Variants in IL1RAPL2 observed in about 807,000 individuals in gnomAD.
The protein encoded by IL1RAPL2 is interleukin 1 receptor accessory protein like 2.
Under a neutral mutation model 44.1 loss-of-function variants are expected in IL1RAPL2, and 3 were observed. The observed-to-expected ratio is 0.07, with a 90% confidence interval of 0.03 to 0.18. The LOEUF is 0.18. Among genes scored for constraint, IL1RAPL2 ranks in the 10% least tolerant of loss-of-function variants. The pLI is 1.00. For synonymous variants in IL1RAPL2, 181 were observed against 178.8 expected (o/e 1.01, Z -0.10); for missense variants, 391 against 496.4 (o/e 0.79, Z 2.02).
intron 2 of IL1RAPL2, among the ~76,000 whole-genome samples, chrX:104,799,948 A>G (rs1397035430): frequency 2.7e-5 from 3 of 111,753 alleles, no homozygotes; most frequent in African/African-American, 9.8e-5. Context: ...GTTTCACTGT[A>G]CTGTGTCTTG....
At chrX:104,977,883 A>G (rs2030367375) in intron 2 of IL1RAPL2, among the ~76,000 whole-genome samples, 3 of 112,338 alleles carry the variant, frequency 2.7e-5, no homozygotes, top group Non-Finnish European at 3.8e-5. Context: ...AGAAATTTCT[A>G]TAAAAGAGGT....
chrX:105,701,346 A>G (rs1249153906), intron 6 of IL1RAPL2, among the ~76,000 whole-genome samples: 1 of 111,599 alleles, frequency 9.0e-6, no homozygotes, highest in Non-Finnish European at 1.9e-5. Context: ...GGTGATTTTA[A>G]GTCCACTCAT....
chrX:104,585,046 T>C (rs1928478900), intron 1 of IL1RAPL2, among the ~76,000 whole-genome samples: 1 of 99,843 alleles, frequency 1.0e-5, no homozygotes, highest in Non-Finnish European at 2.0e-5. Flanking sequence ...CTTCTGGTCT[T>C]CCTCTTTAAA....
At chrX:104,881,701 A>G (rs1288071400) in intron 2 of IL1RAPL2, among the ~76,000 whole-genome samples, 1 of 112,182 alleles carries the variant, frequency 8.9e-6, no homozygotes, top group Non-Finnish European at 1.9e-5. Context: ...CCAAATAGTT[A>G]AAGTATCTGT....
chrX:105,543,607 A>G (rs1223156779), intron 6 of IL1RAPL2, among the ~76,000 whole-genome samples: 1 of 112,489 alleles, frequency 8.9e-6, no homozygotes, highest in Non-Finnish European at 1.9e-5. Context: ...AAGCCAAGAA[A>G]GACCACAGCA....
intron 2 of IL1RAPL2, among the ~76,000 whole-genome samples, chrX:104,701,617 A>G (rs765292471): frequency 8.9e-6 from 1 of 112,194 alleles, no homozygotes; most frequent in South Asian, 3.7e-4. Context: ...ATTTAGTGAT[A>G]TGTATTCATG....
chrX:105,183,454 G>C (rs1271399425), intron 2 of IL1RAPL2, among the ~76,000 whole-genome samples: 4 of 111,653 alleles, frequency 3.6e-5, no homozygotes, highest in Non-Finnish European at 7.5e-5. Context: ...AGGCAAGTGG[G>C]TGGCTTTCAG....
At chrX:104,619,437 G>C (rs1929342747) in intron 1 of IL1RAPL2, among the ~76,000 whole-genome samples, 1 of 111,710 alleles carries the variant, frequency 9.0e-6, no homozygotes, top group Admixed American at 9.5e-5. Flanking sequence ...ACAGAGGGAG[G>C]CTCTCTGCTT....
chrX:105,078,970 T>C (rs937143924), intron 2 of IL1RAPL2, among the ~76,000 whole-genome samples: 4 of 112,575 alleles, frequency 3.6e-5, no homozygotes, highest in Admixed American at 2.8e-4. Context: ...CCCTGACCCC[T>C]TGTGCTTCCT....
At chrX:105,196,809 A>G (rs1168222324) in intron 3 of IL1RAPL2, among the ~76,000 whole-genome samples, 2 of 111,212 alleles carry the variant, frequency 1.8e-5, no homozygotes, top group African/African-American at 6.5e-5. Flanking sequence ...AGCTGAGACG[A>G]CCTTTAGGCC....
At chrX:104,607,329 A>C (rs755530839) in intron 1 of IL1RAPL2, among the ~76,000 whole-genome samples, 1 of 112,104 alleles carries the variant, frequency 8.9e-6, no homozygotes. Flanking sequence ...ATAGGCATGC[A>C]CAAAGACTTC....
At chrX:105,741,183 G>C (rs1024086368) in intron 8 of IL1RAPL2, among the ~76,000 whole-genome samples, 5 of 111,609 alleles carry the variant, frequency 4.5e-5, no homozygotes, top group African/African-American at 1.6e-4. Context: ...GGTATTAAGA[G>C]ATCTTTATCA....
intron 2 of IL1RAPL2, among the ~76,000 whole-genome samples, chrX:104,766,274 A>C (rs944303899): frequency 7.1e-5 from 8 of 112,503 alleles, no homozygotes; most frequent in Non-Finnish European, 1.5e-4. Flanking sequence ...CCTCTTCTAA[A>C]ATATCAAGGA....
chrX:105,279,501 G>C (rs1056694946), intron 5 of IL1RAPL2, among the ~76,000 whole-genome samples: 4 of 111,331 alleles, frequency 3.6e-5, no homozygotes, highest in African/African-American at 1.3e-4. Context: ...TTTTGTTTGA[G>C]ATGGAGTGTC....
At chrX:105,208,479 C>T (rs2033782444) in intron 3 of IL1RAPL2, among the ~76,000 whole-genome samples, 1 of 112,008 alleles carries the variant, frequency 8.9e-6, no homozygotes, top group Non-Finnish European at 1.9e-5. Flanking sequence ...ACCATCCCCA[C>T]TCTCTCACCA....
At chrX:105,451,997 C>A (rs1195805887) in intron 5 of IL1RAPL2, among the ~76,000 whole-genome samples, 1 of 111,306 alleles carries the variant, frequency 9.0e-6, no homozygotes, top group Non-Finnish European at 1.9e-5. Context: ...GCCTAAAAAA[C>A]CCTCTATAAC....
intron 6 of IL1RAPL2, among the ~76,000 whole-genome samples, chrX:105,680,500 G>A (rs1048094376): frequency 2.7e-5 from 3 of 111,872 alleles, no homozygotes; most frequent in African/African-American, 9.7e-5. Flanking sequence ...AATTGAATAA[G>A]CATAATTTTC....
At chrX:105,289,350 T>G (rs1461875122) in intron 5 of IL1RAPL2, among the ~76,000 whole-genome samples, 1 of 111,144 alleles carries the variant, frequency 9.0e-6, no homozygotes, top group Non-Finnish European at 1.9e-5. Context: ...AACAGAGGCT[T>G]GGCATGGCCA....
At chrX:104,797,797 C>T (rs1440968294) in intron 2 of IL1RAPL2, among the ~76,000 whole-genome samples, 1 of 112,028 alleles carries the variant, frequency 8.9e-6, no homozygotes, top group Non-Finnish European at 1.9e-5. Flanking sequence ...AGAATCAGGG[C>T]GGTGATGTTT....
Sources: allele counts gnomAD v4.1 joint callset (sites outside exome capture counted in the v4.1 genomes callset), GRCh38; gene constraint gnomAD v4.1.1; transcripts MANE v1.5; gene names NCBI Gene and HGNC (gene_info 2026-07-23, HGNC 2026-07-21).